Variants in UGT1A5 observed in about 807,000 individuals in gnomAD.
UGT1A5 encodes the protein UDP-glucuronosyltransferase 1A5.
A neutral mutation model predicts 40.3 loss-of-function variants in UGT1A5; 29 were observed. The ratio of observed to expected loss-of-function variants is 0.72; its 90% CI spans 0.54 to 0.98. The LOEUF (loss-of-function observed/expected upper bound fraction) is 0.98, where lower values mean the gene tolerates loss of function less well. UGT1A5 is among the 50% of genes least tolerant of loss of function. The pLI, the probability that UGT1A5 is intolerant of heterozygous loss-of-function variation, is 0.00. For missense variants in UGT1A5, 678 were observed against 677.9 expected, an observed-to-expected ratio of 1.00 and a Z score of 0.00; for synonymous variants, 257 against 262.5, an observed-to-expected ratio of 0.98 and a Z score of 0.20.
intron 1 of UGT1A5, among the ~76,000 whole-genome samples, chr2:233,728,491 C>T (rs2077722476): frequency 6.6e-6 from 1 of 152,140 alleles, no homozygotes; most frequent in South Asian, 2.1e-4. Flanking sequence ...ACATCTTGAG[C>T]TCAGCCTCCC....
intron 1 of UGT1A5, among the ~76,000 whole-genome samples, chr2:233,725,500 A>C (rs2125714454): frequency 6.6e-6 from 1 of 152,210 alleles, no homozygotes; most frequent in East Asian, 1.9e-4. Flanking sequence ...GAAACCACTG[A>C]AATTAATTTT....
At chr2:233,772,125 C>T in intron 4 of UGT1A5, 137 bp from the exon 5 acceptor site, 1 of 1,536,166 alleles carries the variant, frequency 6.5e-7, no homozygotes, top group South Asian at 1.2e-5. Flanking sequence ...AAAACAACAA[C>T]AACAACAATA....
At chr2:233,759,615 C>CACCT (rs1177524804) in intron 1 of UGT1A5, among the ~76,000 whole-genome samples, 1 of 149,432 alleles carries the variant, frequency 6.7e-6, no homozygotes, top group Non-Finnish European at 1.5e-5. Context: ...CCCACCCACC[C>CACCT]ACCTGTTCAT....
intron 1 of UGT1A5, among the ~76,000 whole-genome samples, chr2:233,746,336 A>G (rs1235397882): frequency 1.3e-5 from 2 of 151,736 alleles, no homozygotes; most frequent in Non-Finnish European, 2.9e-5. Context: ...AGGGCAATGG[A>G]CATGTTTATG....
chr2:233,760,258 G>C (rs1164776908), intron 1 of UGT1A5: 2 of 1,611,088 alleles, frequency 1.2e-6, no homozygotes, highest in Non-Finnish European at 1.7e-6. Context: ...AAGTAGGAGA[G>C]GGCGAACCTC....
chr2:233,739,386 C>A (rs1247379490), intron 1 of UGT1A5, among the ~76,000 whole-genome samples: 2 of 152,188 alleles, frequency 1.3e-5, no homozygotes, highest in East Asian at 3.9e-4. Flanking sequence ...CCTGGAAGAG[C>A]CACAGACATC....
intron 1 of UGT1A5, among the ~76,000 whole-genome samples, chr2:233,737,048 T>C (rs764914717): frequency 2.0e-5 from 3 of 152,226 alleles, no homozygotes; most frequent in Admixed American, 6.5e-5. Flanking sequence ...AATGCCATAC[T>C]AGGAGAACGA....
rs34681509 is a variant in UGT1A5 at position 233,762,717 on chromosome 2, GT to G, written c.868-4305del. On this transcript the variant is annotated intron_variant, in intron 1 of 4. Transcript: ENST00000373414. ...CATCTTTTCTTAAGTATTTTACACGGTTTTTTTTTTTTGGTCACTACTGTGA... is the reference window on the plus strand; with the variant it reads ...CATCTTTTCTTAAGTATTTTACACGGTTTTTTTTTTTGGTCACTACTGTGA... Among the ~76,000 whole-genome samples the G allele has an allele frequency of 9.0e-3, 1,271 of 141,024 alleles. 11 individuals carry two copies. The highest frequency in any genetic ancestry group is 0.017 in the Admixed American group (234 of 14,104). The allele number at this position is 141,024 out of a possible 152,430, so 92.5% of individuals were successfully genotyped here.
intron 1 of UGT1A5, chr2:233,754,496 G>T: frequency 2.8e-6 from 1 of 356,968 alleles, no homozygotes; most frequent in South Asian, 2.1e-5. Flanking sequence ...CCTAAAAAAA[G>T]TCCGCTATTC....
chr2:233,751,853 G>A (rs1265924436), intron 1 of UGT1A5, among the ~76,000 whole-genome samples: 1 of 152,032 alleles, frequency 6.6e-6, no homozygotes, highest in Admixed American at 6.5e-5. Context: ...TTAAACCTTT[G>A]TCTTTTATAA....
chr2:233,752,828 G>A (rs1490866315), intron 1 of UGT1A5, among the ~76,000 whole-genome samples: 1 of 152,172 alleles, frequency 6.6e-6, no homozygotes, highest in Non-Finnish European at 1.5e-5. Context: ...TATGACATCA[G>A]TAATCTAGGA....
At chr2:233,719,052 A>T (rs200903552) in intron 1 of UGT1A5, 1 of 1,614,270 alleles carries the variant, frequency 6.2e-7, no homozygotes, top group Non-Finnish European at 8.5e-7. Flanking sequence ...TTTCACCCTG[A>T]CAGCCTATGC....
chr2:233,760,764 C>T lies in UGT1A5; in HGVS notation c.868-6270C>T, dbSNP rs199766420. 1.0e-4 allele frequency: 164 copies of T among 1,614,088 alleles called. 1 individual carries two copies. The Middle Eastern group carries it at 2.1e-3, about 21-fold the overall frequency. ...ACCCTTTCCTTCCTTGCAGCCCCATCGTGGCCCAGTACCTGTCTCTGCCCA... is the reference window on the plus strand; with the variant it reads ...ACCCTTTCCTTCCTTGCAGCCCCATTGTGGCCCAGTACCTGTCTCTGCCCA... On this transcript the variant is annotated intron_variant, in intron 1 of 4. Transcript: ENST00000373414.
intron 1 of UGT1A5, chr2:233,719,790 T>C (rs189931898): frequency 6.2e-7 from 1 of 1,608,848 alleles, no homozygotes; most frequent in East Asian, 2.2e-5. Flanking sequence ...TTTCCAAAGA[T>C]TTTATTTTGG....
In UGT1A5 at chr2:233,725,203, CAGA is replaced by C. The variant is rs1559370309; in HGVS notation, c.867+11346_867+11348del. On this transcript the variant is annotated intron_variant, in intron 1 of 4. Transcript: ENST00000373414. The stretch of plus-strand genomic sequence containing the variant: ...GGAGAGGCAGAGGCAGAGGCAGAGG[CAGA>C]GGCAGAGGCAGAGGAGGCAGAGGCA... Among the ~76,000 whole-genome samples, 4 of 83,028 alleles carry C rather than the reference CAGA, an allele frequency of 4.8e-5. 1 individual carries two copies. The highest frequency in any genetic ancestry group is 4.2e-5 in the Non-Finnish European group (2 of 47,892). 54.5% of individuals were successfully genotyped at this position (83,028 alleles called of 152,430 possible). A position where few individuals can be genotyped will look rare whatever the true frequency, so the allele number is the denominator to read the frequency against.
chr2:233,741,163 A>G (rs1015106485), intron 1 of UGT1A5, among the ~76,000 whole-genome samples: 3 of 151,960 alleles, frequency 2.0e-5, no homozygotes, highest in Non-Finnish European at 2.9e-5. Flanking sequence ...AATCCAGGAT[A>G]TATCAAAACT....
At chr2:233,719,824 T>G in intron 1 of UGT1A5, 2 of 1,564,874 alleles carry the variant, frequency 1.3e-6, no homozygotes, top group South Asian at 2.4e-5. Context: ...GATAAACTGT[T>G]GAGGGGCCTA....
At chr2:233,736,960 T>C (rs1472477561) in intron 1 of UGT1A5, among the ~76,000 whole-genome samples, 1 of 152,166 alleles carries the variant, frequency 6.6e-6, no homozygotes, top group Non-Finnish European at 1.5e-5. Context: ...TGGCCCCTAC[T>C]GGGAGGTGTT....
intron 1 of UGT1A5, among the ~76,000 whole-genome samples, chr2:233,726,525 T>C (rs979255090): frequency 7.9e-5 from 12 of 152,244 alleles, no homozygotes; most frequent in Non-Finnish European, 1.5e-4. Context: ...TTTCCACTTT[T>C]AGGGAGATGC....
Sources: allele counts gnomAD v4.1 joint callset (sites outside exome capture counted in the v4.1 genomes callset), GRCh38; gene constraint gnomAD v4.1.1; transcripts MANE v1.5; gene names NCBI Gene and HGNC (gene_info 2026-07-23, HGNC 2026-07-21).